Variants in ASIC2 observed in about 807,000 individuals in gnomAD.
ASIC2 encodes the protein acid-sensing ion channel 2.
ASIC2 carries 25 observed loss-of-function variants against 57.3 expected under a neutral mutation model. The ratio of observed to expected loss-of-function variants is 0.44; its 90% CI spans 0.32 to 0.61. The LOEUF (loss-of-function observed/expected upper bound fraction) is 0.61. ASIC2 is among the 20% of genes least tolerant of loss of function. ASIC2 has a pLI of 0.06. For synonymous variants in ASIC2, 319 were observed against 307.5 expected, an observed-to-expected ratio of 1.04 and a Z score of -0.39; for missense variants, 641 against 738.1, an observed-to-expected ratio of 0.87 and a Z score of 1.52.
At chr17:33,332,555 G>T (rs1401107737) in intron 1 of ASIC2, among the ~76,000 whole-genome samples, 1 of 152,102 alleles carries the variant, frequency 6.6e-6, no homozygotes, top group African/African-American at 2.4e-5. Context: ...GGACAAGGCT[G>T]CTTTAGATGA....
intron 1 of ASIC2, among the ~76,000 whole-genome samples, chr17:33,804,327 ACT>A (rs1912212981): frequency 6.6e-6 from 1 of 152,012 alleles, no homozygotes; most frequent in Non-Finnish European, 1.5e-5. Flanking sequence ...GATATTTAAA[ACT>A]CTGCTCCTGT....
chr17:33,703,539 G>T (rs1181018703), intron 1 of ASIC2, among the ~76,000 whole-genome samples: 1 of 152,052 alleles, frequency 6.6e-6, no homozygotes, highest in Non-Finnish European at 1.5e-5. Context: ...TTTTTGTAGA[G>T]ATGGGGTTTT....
At chr17:33,828,461 C>T (rs539708441) in intron 1 of ASIC2, 1 of 152,232 alleles carries the variant, frequency 6.6e-6, no homozygotes, top group Admixed American at 6.5e-5. Flanking sequence ...ATCTTGTCAC[C>T]TCATCAGTAA....
intron 1 of ASIC2, among the ~76,000 whole-genome samples, chr17:33,535,335 C>T (rs1597772196): frequency 6.7e-6 from 1 of 149,382 alleles, no homozygotes; most frequent in African/African-American, 2.5e-5. Flanking sequence ...TGCAGTGGTG[C>T]GATCTCGGCT....
chr17:33,169,142 T>C (rs1380624070), intron 1 of ASIC2, among the ~76,000 whole-genome samples: 5 of 152,208 alleles, frequency 3.3e-5, no homozygotes, highest in African/African-American at 1.2e-4. Context: ...GCCCCAGCTA[T>C]GGCTCAAGTG....
chr17:33,760,302 A>T (rs527983946), intron 1 of ASIC2, among the ~76,000 whole-genome samples: 212 of 152,178 alleles, frequency 1.4e-3, no homozygotes, highest in Non-Finnish European at 2.5e-3. Flanking sequence ...AGTATTTATA[A>T]ATAATGTATG....
chr17:33,322,303 G>A (rs1251165511), intron 1 of ASIC2, among the ~76,000 whole-genome samples: 1 of 152,176 alleles, frequency 6.6e-6, no homozygotes, highest in Non-Finnish European at 1.5e-5. Flanking sequence ...CAGTAGCAAA[G>A]CCAGTTGGAA....
chr17:33,786,806 C>T (rs962088142), intron 1 of ASIC2, among the ~76,000 whole-genome samples: 1 of 152,136 alleles, frequency 6.6e-6, no homozygotes, highest in South Asian at 2.1e-4. Flanking sequence ...CAAGTCACCC[C>T]TCAGGTTCAG....
intron 1 of ASIC2, among the ~76,000 whole-genome samples, chr17:33,345,158 G>T (rs1907894492): frequency 6.6e-6 from 1 of 152,176 alleles, no homozygotes; most frequent in Non-Finnish European, 1.5e-5. Context: ...AATGCAGTAA[G>T]GGGCTCCAGT....
chr17:34,148,455 T>G (rs1399237191), intron 1 of ASIC2, among the ~76,000 whole-genome samples: 1 of 152,214 alleles, frequency 6.6e-6, no homozygotes, highest in African/African-American at 2.4e-5. Flanking sequence ...CATAAGGGCA[T>G]GCCAAATGTT....
intron 1 of ASIC2, among the ~76,000 whole-genome samples, chr17:33,278,213 T>TG (rs1000586488): frequency 3.3e-5 from 5 of 151,430 alleles, no homozygotes; most frequent in Non-Finnish European, 7.4e-5. Flanking sequence ...TTTTTTTTTT[T>TG]GCCTTCACAG....
At chr17:33,314,133 T>C (rs1310647813) in intron 1 of ASIC2, among the ~76,000 whole-genome samples, 2 of 152,150 alleles carry the variant, frequency 1.3e-5, no homozygotes, top group Non-Finnish European at 2.9e-5. Context: ...CTATACTCTT[T>C]GTTATCTGTC....
intron 1 of ASIC2, among the ~76,000 whole-genome samples, chr17:33,671,847 T>C (rs915381438): frequency 3.3e-5 from 5 of 152,240 alleles, no homozygotes; most frequent in African/African-American, 1.2e-4. Context: ...TTCTCATTCT[T>C]TAACGCTAAT....
At position 34,049,603 on chromosome 17, in the gene ASIC2, C is replaced by T. The variant is rs1018715668; in HGVS notation, c.555+106375G>A. Among the ~76,000 whole-genome samples the T allele has an allele frequency of 7.2e-5, 11 of 152,180 alleles. 1 individual carries two copies. Among genetic ancestry groups the T allele is most frequent in the Admixed American group, 7.2e-4 (11 of 15,276 alleles). On this transcript the variant is annotated intron_variant, in intron 1 of 9. Coordinates refer to the ASIC2 transcript ENST00000359872. ...CCTTGGTCACTCTGGCTTCCCACCT[C>T]CCAGTCAGATCCAATGGTCATGCAC...
rs117039881 is a variant in ASIC2, at chr17:33,592,525, A to C, written c.556-480458T>G. On this transcript the variant is annotated intron_variant, in intron 1 of 9. Coordinates refer to the ASIC2 transcript ENST00000359872. ...TACAATACCATCACTGATAACATCC[A>C]CTTGCATTCAGCACTTTGCGATTTA... Among the ~76,000 whole-genome samples, 355 of 152,378 alleles carry C rather than the reference A, an allele frequency of 2.3e-3. 3 individuals carry two copies. Among genetic ancestry groups the C allele is most frequent in the Admixed American group, 3.1e-3 (47 of 15,306 alleles).
intron 1 of ASIC2, among the ~76,000 whole-genome samples, chr17:33,949,251 T>C (rs1463309921): frequency 1.3e-5 from 2 of 152,080 alleles, no homozygotes; most frequent in Non-Finnish European, 2.9e-5. Context: ...TTTGGGAAAA[T>C]CTCTCCCATG....
At chr17:33,255,195 A>G (rs1909022350) in intron 1 of ASIC2, among the ~76,000 whole-genome samples, 1 of 151,666 alleles carries the variant, frequency 6.6e-6, no homozygotes, top group Admixed American at 6.6e-5. Context: ...ATGCACCACC[A>G]CACTTGGCTA....
chr17:33,518,539 C>T (rs1295442981), intron 1 of ASIC2, among the ~76,000 whole-genome samples: 1 of 152,160 alleles, frequency 6.6e-6, no homozygotes, highest in Non-Finnish European at 1.5e-5. Flanking sequence ...TGGCCTCCAC[C>T]AGCTGTTCTC....
chr17:33,881,000 C>T (rs908309259), intron 1 of ASIC2, among the ~76,000 whole-genome samples: 52 of 151,996 alleles, frequency 3.4e-4, no homozygotes, highest in Non-Finnish European at 4.9e-4. Flanking sequence ...ACAGAACCAA[C>T]GACAAAAACC....
Sources: gnomAD v4.1 joint callset for allele counts (sites outside exome capture counted in the v4.1 genomes callset) on GRCh38, gnomAD v4.1.1 for gene constraint, MANE v1.5 for transcripts, NCBI Gene and HGNC (gene_info 2026-07-23, HGNC 2026-07-21) for gene names.